CLEC2D: variants seen among roughly 807,000 people sequenced by gnomAD.
CLEC2D encodes the protein C-type lectin related f.
In CLEC2D, 16 loss-of-function variants were observed where a neutral mutation model predicts 20.0. That is an observed-to-expected ratio of 0.80 (90% CI 0.54 to 1.22). CLEC2D has a LOEUF of 1.22. Among genes scored for constraint, CLEC2D ranks in the 50% most tolerant of loss-of-function variants. The pLI is 0.00. For synonymous variants in CLEC2D, 77 were observed against 71.1 expected (o/e 1.08, Z -0.42); for missense variants, 207 against 221.5 (o/e 0.93, Z 0.42).
chr12:9,685,162 A>T (rs1207129878), intron 2 of CLEC2D, among the ~76,000 whole-genome samples: 1 of 152,176 alleles, frequency 6.6e-6, no homozygotes, highest in Non-Finnish European at 1.5e-5. Context: ...GGGTATCACC[A>T]GCAAAGGCTG....
Position 9,680,091 on chromosome 12 carries a change from T to C in CLEC2D, c.62-832T>C, listed in dbSNP as rs781594630. The C allele has an allele frequency of 7.6e-5, 12 of 157,658 alleles. No individual in the cohort carries two copies. The East Asian group carries it at 1.7e-3, about 22-fold the overall frequency. 9.8% of individuals were successfully genotyped at this position (157,658 alleles called of 1,614,324 possible). A position where few individuals can be genotyped will look rare whatever the true frequency, so the allele number is the denominator to read the frequency against. On this transcript the variant is annotated intron_variant, in intron 1 of 4. Transcript: ENST00000290855. ...TGGGAGGGACCCAGTGGGAGATAACTGAATCATGGAGTTGGTTACCCTCGT... is the reference window on the plus strand; with the variant it reads ...TGGGAGGGACCCAGTGGGAGATAACCGAATCATGGAGTTGGTTACCCTCGT...
At chr12:9,672,448 A>C (rs1429402259) in intron 1 of CLEC2D, among the ~76,000 whole-genome samples, 1 of 152,170 alleles carries the variant, frequency 6.6e-6, no homozygotes, top group Admixed American at 6.5e-5. Flanking sequence ...AAAATTCATA[A>C]TCTGATGGAC....
intron 1 of CLEC2D, among the ~76,000 whole-genome samples, chr12:9,671,225 ATTTCT>A: frequency 6.6e-6 from 1 of 151,960 alleles, no homozygotes; most frequent in South Asian, 2.1e-4. Flanking sequence ...TTGACTTTAG[ATTTCT>A]TTTCTTTTTT....
chr12:9,677,912 CAGAT>C (rs1230794033), intron 1 of CLEC2D, among the ~76,000 whole-genome samples: 1 of 151,904 alleles, frequency 6.6e-6, no homozygotes, highest in African/African-American at 2.4e-5. Flanking sequence ...TTTGTAGAGA[CAGAT>C]TTTACCACAT....
intron 2 of CLEC2D, among the ~76,000 whole-genome samples, chr12:9,682,573 GTGTTCTCAT>G (rs1433465408): frequency 6.6e-6 from 1 of 152,114 alleles, no homozygotes; most frequent in Non-Finnish European, 1.5e-5. Flanking sequence ...CTGCATCCAT[GTGTTCTCAT>G]TGTTCAGCTC....
rs534272757 is a variant in CLEC2D, at chr12:9,688,591, C to T, written c.357+505C>T. Among the ~76,000 whole-genome samples the T allele has an allele frequency of 2.5e-4, 38 of 152,168 alleles. No homozygotes were observed. In the South Asian group the frequency reaches 5.8e-3, roughly 23 times the overall value. ...AAAATTAGCTGGGCATGGTGGCATA[C>T]GCCTGTAGTTCCAGCTACTCAGGAG... On this transcript the variant is annotated intron_variant, in intron 3 of 4. Coordinates refer to ENST00000290855, the MANE Select transcript of CLEC2D (RefSeq NM_013269.6).
chr12:9,696,378 G>A lies in CLEC2D; in HGVS notation c.*1504G>A, dbSNP rs187434813. The stretch of plus-strand genomic sequence containing the variant: ...TTGTCCAGGTTCTATTGCCAAGAAT[G>A]TGTTGTCCAAAATGCCTGTTTAGTT... On this transcript the variant is annotated 3_prime_UTR_variant, in exon 5 of 5. Coordinates refer to ENST00000290855, the MANE Select transcript of CLEC2D (RefSeq NM_013269.6). 4.0e-5 allele frequency: 20 copies of A among 500,428 alleles called. No homozygotes were observed. Among genetic ancestry groups the A allele is most frequent in the African/African-American group, 3.4e-4 (18 of 52,186 alleles). The allele number at this position is 500,428 out of a possible 1,614,324, so 31.0% of individuals were successfully genotyped here. A position where few individuals can be genotyped will look rare whatever the true frequency, so the allele number is the denominator to read the frequency against.
chr12:9,677,008 T>C (rs761140197), intron 1 of CLEC2D, among the ~76,000 whole-genome samples: 8 of 151,938 alleles, frequency 5.3e-5, no homozygotes, highest in Admixed American at 2.0e-4. Context: ...GTCCTTCCTC[T>C]TTTCTTCTTA....
At chr12:9,686,257 T>A (rs1865747344) in intron 2 of CLEC2D, among the ~76,000 whole-genome samples, 1 of 151,846 alleles carries the variant, frequency 6.6e-6, no homozygotes, top group African/African-American at 2.4e-5. Context: ...TCTGCATTGG[T>A]CTCACTGGGA....
chr12:9,695,793 T>C lies in CLEC2D; in HGVS notation c.*919T>C. The C allele has an allele frequency of 7.6e-7, 1 of 1,312,276 alleles. No individual in the cohort carries two copies. The highest frequency in any genetic ancestry group is 1.1e-6 in the Non-Finnish European group (1 of 919,448). The allele number at this position is 1,312,276 out of a possible 1,614,324, so 81.3% of individuals were successfully genotyped here. A position where few individuals can be genotyped will look rare whatever the true frequency, so the allele number is the denominator to read the frequency against. On this transcript the variant is annotated 3_prime_UTR_variant, in exon 5 of 5. Coordinates refer to ENST00000290855, the MANE Select transcript of CLEC2D (RefSeq NM_013269.6). ...AAGAGGAGGATGTGAAACTCTTAAG[T>C]ATATCTGGAAAGCAGTCTGCCCCTG... is the stretch of plus-strand genomic sequence containing the variant.
intron 3 of CLEC2D, among the ~76,000 whole-genome samples, 162 bp from the exon 4 acceptor site, chr12:9,692,666 T>C (rs531080392): frequency 6.0e-4 from 92 of 152,234 alleles, no homozygotes; most frequent in Non-Finnish European, 1.2e-3. Flanking sequence ...TCTTTTGATA[T>C]GTATGATAAT....
chr12:9,693,152 A>T (rs1240934746), intron 4 of CLEC2D: 12 of 1,420,600 alleles, frequency 8.4e-6, no homozygotes, highest in Non-Finnish European at 1.2e-5. Flanking sequence ...CTCCAGGCTT[A>T]TCTATGTCAT....
intron 1 of CLEC2D, among the ~76,000 whole-genome samples, chr12:9,677,707 C>CT (rs36120151): frequency 9.6e-4 from 118 of 122,340 alleles, no homozygotes; most frequent in African/African-American, 1.5e-3. Context: ...TTCTTTCTTT[C>CT]TTTTTTTTTT....
rs181232888 is a variant in CLEC2D at position 9,683,852 on chromosome 12, A to G, written c.172+2819A>G. Among the ~76,000 whole-genome samples, 570 of 151,308 alleles carry G rather than the reference A, an allele frequency of 3.8e-3. 2 individuals carry two copies. The highest frequency in any genetic ancestry group is 6.9e-3 in the Non-Finnish European group (471 of 67,828). On this transcript the variant is annotated intron_variant, in intron 2 of 4. Transcript: ENST00000290855. ...TTTTGCTTAGGATTGTCTTGGCTAT[A>G]CAGGCTCTTTTTTGGTTCCATATGA...
chr12:9,680,983 TAATC>T lies in CLEC2D; in HGVS notation c.124_127del (p.Ile42CysfsTer3). On this transcript the variant is annotated frameshift_variant, in exon 2 of 5. Coordinates refer to ENST00000290855, the MANE Select transcript of CLEC2D (RefSeq NM_013269.6). LOFTEE classifies it high-confidence loss of function. Reference sequence around the variant, plus strand: ...ACCTTAATTTGGCGCTTATTTTTCTTAATCATGTTTCTGACAATCATAGTGTGTG... The same window carrying T: ...ACCTTAATTTGGCGCTTATTTTTCTTATGTTTCTGACAATCATAGTGTGTG... The T allele has an allele frequency of 6.2e-7, 1 of 1,607,896 alleles. No homozygotes were observed.
In CLEC2D at chr12:9,695,085, C is replaced by CTGAGTAATTT; in HGVS notation, c.*211_*212insTGAGTAATTT. ...TTACCTGTTCTCCCACTGCTAATGA[C>CTGAGTAATTT]ATACCCGAGACTGAGTAATTTATAA... On this transcript the variant is annotated 3_prime_UTR_variant, in exon 5 of 5. Coordinates refer to ENST00000290855, the MANE Select transcript of CLEC2D (RefSeq NM_013269.6). 1 of 579,534 alleles carries CTGAGTAATTT rather than the reference C, an allele frequency of 1.7e-6. No individual in the cohort carries two copies. Among genetic ancestry groups the CTGAGTAATTT allele is most frequent in the Non-Finnish European group, 3.1e-6 (1 of 325,348 alleles). 35.9% of individuals were successfully genotyped at this position (579,534 alleles called of 1,614,324 possible).
intron 1 of CLEC2D, chr12:9,674,097 T>C (rs1865475785): frequency 1.3e-5 from 2 of 152,348 alleles, no homozygotes; most frequent in Admixed American, 1.3e-4. Flanking sequence ...TGGGACTGGA[T>C]GGTTCTCGTG....
Position 9,695,038 on chromosome 12 carries a change from AC to A in CLEC2D, c.*166del, listed in dbSNP as rs1847231190. 6.7e-6 allele frequency: 4 copies of A among 595,064 alleles called. No individual in the cohort carries two copies. Among genetic ancestry groups the A allele is most frequent in the South Asian group, 6.0e-5 (3 of 50,042 alleles). 36.9% of individuals were successfully genotyped at this position (595,064 alleles called of 1,614,324 possible). A position where few individuals can be genotyped will look rare whatever the true frequency, so the allele number is the denominator to read the frequency against. On this transcript the variant is annotated 3_prime_UTR_variant, in exon 5 of 5. Transcript: ENST00000290855. ...CAAATCAAAATCATAGTAAAATATT[AC>A]CTGTTTTCATGGTGCTAATATTACC...
chr12:9,683,329 G>GTT (rs1565467282), intron 2 of CLEC2D, among the ~76,000 whole-genome samples: 13 of 83,782 alleles, frequency 1.6e-4, no homozygotes, highest in Admixed American at 2.3e-4. Flanking sequence ...TTTGTTTTTT[G>GTT]TGTTTGTTTT....
Sources: allele counts gnomAD v4.1 joint callset (sites outside exome capture counted in the v4.1 genomes callset), GRCh38; gene constraint gnomAD v4.1.1; transcripts MANE v1.5; gene names NCBI Gene and HGNC (gene_info 2026-07-23, HGNC 2026-07-21).